Variants in SYNJ2 observed in about 807,000 individuals in gnomAD.
SYNJ2 encodes polyphosphatidylinositol phosphatase SYNJ2.
SYNJ2 carries 116 observed loss-of-function variants against 141.3 expected under a neutral mutation model. The observed-to-expected ratio is 0.82, with a 90% CI of 0.71 to 0.96. SYNJ2 has a LOEUF of 0.96. Among genes scored for constraint, SYNJ2 ranks in the 40% least tolerant of loss-of-function variants. SYNJ2 has a pLI of 0.00. For synonymous variants in SYNJ2, 745 were observed against 777.7 expected, an observed-to-expected ratio of 0.96 and a Z score of 0.70; for missense variants, 1,873 against 1,934.8, an observed-to-expected ratio of 0.97 and a Z score of 0.60.
chr6:158,074,381 A>T (rs1042276596), intron 15 of SYNJ2, among the ~76,000 whole-genome samples, 199 bp from the exon 16 acceptor site: 1 of 152,190 alleles, frequency 6.6e-6, no homozygotes, highest in Non-Finnish European at 1.5e-5. Flanking sequence ...ATTTAAAATT[A>T]AAAAGTAAGC....
chr6:158,023,433 G>A (rs1583337429), intron 2 of SYNJ2, among the ~76,000 whole-genome samples: 2 of 152,212 alleles, frequency 1.3e-5, no homozygotes. Context: ...TCCCGGAGAG[G>A]CAGCGCTCCA....
rs901540846 is a variant in SYNJ2 at position 158,066,335 on chromosome 6, T to C, written c.1526-109T>C. 4.1e-5 allele frequency: 53 copies of C among 1,279,198 alleles called. No individual in the cohort carries two copies. The Admixed American group carries it at 1.0e-3, about 25-fold the overall frequency. 79.2% of individuals were successfully genotyped at this position (1,279,198 alleles called of 1,614,324 possible). On this transcript the variant is annotated intron_variant, in intron 11 of 26. Coordinates refer to ENST00000355585, the MANE Select transcript of SYNJ2 (RefSeq NM_003898.4). ...TAAGGAGCATACCCTGGTTTATCTCTAGAGGCTCATGAACCATCTGTCTCT... is the reference window on the plus strand; with the variant it reads ...TAAGGAGCATACCCTGGTTTATCTCCAGAGGCTCATGAACCATCTGTCTCT...
intron 1 of SYNJ2, among the ~76,000 whole-genome samples, chr6:157,986,165 A>G (rs560248683): frequency 6.6e-6 from 1 of 152,302 alleles, no homozygotes; most frequent in East Asian, 1.9e-4. Context: ...AGTTGAAACC[A>G]CAGGTAGGAC....
chr6:157,990,768 T>C lies in SYNJ2; in HGVS notation c.127+8680T>C, dbSNP rs143079582. ...GAGGGGTGGTTCTACATTGACTTCT[T>C]ACTGACTGGTGGGAGTAACCCGGAA... On this transcript the variant is annotated intron_variant, in intron 1 of 26. Transcript: ENST00000355585. Among the ~76,000 whole-genome samples, 25 of 152,366 alleles carry C rather than the reference T, an allele frequency of 1.6e-4. No individual in the cohort carries two copies. The East Asian group carries it at 4.8e-3, about 29-fold the overall frequency.
rs181194675 is a variant in SYNJ2, at chr6:158,012,535, G to A, written c.128-4669G>A. ...GGGAGCTGCAAGAGACAAGGAAATG[G>A]ATTCTGTCCTGCAGCCTTCGGAGCA... is the stretch of plus-strand genomic sequence containing the variant. On this transcript the variant is annotated intron_variant, in intron 1 of 26. Transcript: ENST00000355585. 3.3e-4 allele frequency among the ~76,000 whole-genome samples: 51 copies of A among 152,334 alleles called. 1 individual carries two copies. Among genetic ancestry groups the A allele is most frequent in the East Asian group, 2.1e-3 (11 of 5,184 alleles).
chr6:158,062,631 G>C (rs1453703515), intron 8 of SYNJ2, among the ~76,000 whole-genome samples: 1 of 152,056 alleles, frequency 6.6e-6, no homozygotes, highest in Non-Finnish European at 1.5e-5. Flanking sequence ...GGAGAAAAAC[G>C]AAGTCCAGTT....
intron 1 of SYNJ2, among the ~76,000 whole-genome samples, chr6:157,994,130 C>CT (rs1777558630): frequency 6.6e-6 from 1 of 152,020 alleles, no homozygotes; most frequent in Admixed American, 6.5e-5. Flanking sequence ...AGTGTGTGGT[C>CT]TTTTTTATCT....
chr6:158,071,847 A>G lies in SYNJ2; in HGVS notation c.2133+53A>G. ...ACCTCCCTGCTCAGCTCAGTCCCAA[A>G]TGTGACTGTTGATAGGAGCCAGGCA... is the stretch of plus-strand genomic sequence containing the variant. On this transcript the variant is annotated intron_variant, in intron 15 of 26. Transcript: ENST00000355585. The surrounding 1 kb of genome is among the most constrained non-coding windows in gnomAD (Gnocchi z 4.3). 6.4e-7 allele frequency: 1 copy of G among 1,572,670 alleles called. No homozygotes were observed.
At chr6:158,050,774 C>T (rs905895897) in intron 5 of SYNJ2, among the ~76,000 whole-genome samples, 3 of 152,166 alleles carry the variant, frequency 2.0e-5, no homozygotes, top group African/African-American at 4.8e-5. Flanking sequence ...TCCCTGGACT[C>T]AAGGGCATAG....
At chr6:157,995,207 G>T (rs1245591293) in intron 1 of SYNJ2, among the ~76,000 whole-genome samples, 4 of 152,226 alleles carry the variant, frequency 2.6e-5, no homozygotes, top group Non-Finnish European at 4.4e-5. Context: ...GACTTCTAGG[G>T]CCTTTGAGTG....
chr6:158,043,556 G>A lies in SYNJ2; in HGVS notation c.795+157G>A, dbSNP rs539012244. Among the ~76,000 whole-genome samples the A allele has an allele frequency of 1.8e-4, 28 of 152,326 alleles. No homozygotes were observed. In the East Asian group the frequency reaches 4.8e-3, roughly 26 times the overall value. ...TTGTGTTGAGCTGAGCTATCAAAGTGTGCACACGTGTGTGCATATGCATGC... is the reference window on the plus strand; with the variant it reads ...TTGTGTTGAGCTGAGCTATCAAAGTATGCACACGTGTGTGCATATGCATGC... On this transcript the variant is annotated intron_variant, in intron 5 of 26. Transcript: ENST00000355585. This position sits in a 1 kb window ranked among gnomAD's most constrained non-coding sequence, Gnocchi z 4.0.
intron 4 of SYNJ2, among the ~76,000 whole-genome samples, chr6:158,035,211 T>C (rs1275473801): frequency 6.6e-6 from 1 of 152,244 alleles, no homozygotes; most frequent in African/African-American, 2.4e-5. Context: ...TTTCTAGTTC[T>C]ATGAAGAATG....
rs542477031 is a variant in SYNJ2 at position 158,063,413 on chromosome 6, C to A, written c.1128-378C>A. On this transcript the variant is annotated intron_variant, in intron 8 of 26. Transcript: ENST00000355585. ...TGTTTCCTCACACCTGTAATCCCAG[C>A]ACTTTGGAAGGCTGAGGTGGGCGGA... Among the ~76,000 whole-genome samples, 4 of 152,152 alleles carry A rather than the reference C, an allele frequency of 2.6e-5. No individual in the cohort carries two copies. The East Asian group carries it at 7.7e-4, about 29-fold the overall frequency.
chr6:158,017,614 C>G, intron 2 of SYNJ2: 1 of 396,826 alleles, frequency 2.5e-6, no homozygotes, highest in Non-Finnish European at 4.9e-6. Flanking sequence ...CGGGGTTTTT[C>G]CATGTTGGTC....
Position 157,982,143 on chromosome 6 carries a change from C to T in SYNJ2, c.127+55C>T, listed in dbSNP as rs933671623. The T allele has an allele frequency of 1.1e-5, 14 of 1,284,272 alleles. No individual in the cohort carries two copies. The highest frequency in any genetic ancestry group is 1.4e-5 in the Non-Finnish European group (14 of 1,014,702). The allele number at this position is 1,284,272 out of a possible 1,614,324, so 79.6% of individuals were successfully genotyped here. A position where few individuals can be genotyped will look rare whatever the true frequency, so the allele number is the denominator to read the frequency against. On this transcript the variant is annotated intron_variant, in intron 1 of 26. Transcript: ENST00000355585. The surrounding 1 kb of genome is among the most constrained non-coding windows in gnomAD (Gnocchi z 4.0). ...GGAGGAGAGGGCGCCCGCATTCGCC[C>T]AGCCTCGGGAAGACGGGTACCCCCC...
intron 25 of SYNJ2, among the ~76,000 whole-genome samples, chr6:158,090,545 T>G (rs1280510828): frequency 1.4e-5 from 2 of 145,004 alleles, no homozygotes; most frequent in Non-Finnish European, 1.5e-5. Flanking sequence ...TTTTTTTGTT[T>G]TTTTTTTTTT....
At chr6:158,066,674 C>T in intron 12 of SYNJ2, 39 bp downstream of exon 12, 1 of 1,604,094 alleles carries the variant, frequency 6.2e-7, no homozygotes, top group Non-Finnish European at 8.5e-7. Context: ...AATCCAATTG[C>T]ACCTAACCTG....
Position 158,025,118 on chromosome 6 carries a change from C to T in SYNJ2, c.215-3638C>T, listed in dbSNP as rs1040454327. ...CTGGAGGCTGGAAGTCCGAGACCAG[C>T]GGCCCGCAGATTGGCCGGCTGTGAG... On this transcript the variant is annotated intron_variant, in intron 2 of 26. Transcript: ENST00000355585. Among the ~76,000 whole-genome samples, 5 of 152,178 alleles carry T rather than the reference C, an allele frequency of 3.3e-5. No homozygotes were observed. The East Asian group carries it at 5.8e-4, about 18-fold the overall frequency.
intron 9 of SYNJ2, 92 bp downstream of exon 9, chr6:158,063,964 GA>G: frequency 7.4e-7 from 1 of 1,348,222 alleles, no homozygotes; most frequent in Non-Finnish European, 1.0e-6. Flanking sequence ...GCGGCAAGAT[GA>G]GGGTGGCATC....
Sources: gnomAD v4.1 joint callset for allele counts (sites outside exome capture counted in the v4.1 genomes callset) on GRCh38, gnomAD v4.1.1 for gene constraint, Gnocchi (gnomAD v3.1) non-coding constraint, MANE v1.5 for transcripts, NCBI Gene and HGNC (gene_info 2026-07-23, HGNC 2026-07-21) for gene names.